Variants in DAAM1 observed in about 807,000 individuals in gnomAD.
DAAM1 encodes dishevelled associated activator of morphogenesis 1, also known as disheveled-associated activator of morphogenesis 1.
A neutral mutation model predicts 130.0 loss-of-function variants in DAAM1; 52 were observed. That is an observed-to-expected ratio of 0.40 (90% CI 0.32 to 0.50). DAAM1 has a LOEUF of 0.50. DAAM1 is among the 20% of genes least tolerant of loss of function. The pLI is 0.61. For synonymous variants in DAAM1, 452 were observed against 444.5 expected (o/e 1.02, Z -0.21); for missense variants, 1,134 against 1,303.8 (o/e 0.87, Z 2.01).
At chr14:59,296,281 G>T (rs569786933) in intron 3 of DAAM1, among the ~76,000 whole-genome samples, 18 of 152,306 alleles carry the variant, frequency 1.2e-4, no homozygotes, top group African/African-American at 4.3e-4. Flanking sequence ...ATGAGGATTT[G>T]TGTATAAGCC....
chr14:59,230,896 T>C (rs10139074), intron 1 of DAAM1, among the ~76,000 whole-genome samples: 120 of 152,298 alleles, frequency 7.9e-4, no homozygotes, highest in African/African-American at 2.8e-3. Context: ...AAAAAGTTTG[T>C]AAGCATTATT....
intron 1 of DAAM1, among the ~76,000 whole-genome samples, chr14:59,199,307 C>T (rs1053839621): frequency 2.0e-5 from 3 of 152,110 alleles, no homozygotes; most frequent in Non-Finnish European, 4.4e-5. Context: ...TTAAATTTGA[C>T]ATGAGGTCTT....
intron 2 of DAAM1, among the ~76,000 whole-genome samples, chr14:59,268,836 A>AAT (rs1342273114): frequency 6.6e-6 from 1 of 152,200 alleles, no homozygotes; most frequent in Non-Finnish European, 1.5e-5. Context: ...AAATATAACC[A>AAT]ATATGAATAA....
chr14:59,290,582 C>A (rs1469957914), intron 2 of DAAM1, among the ~76,000 whole-genome samples: 1 of 152,144 alleles, frequency 6.6e-6, no homozygotes, highest in Admixed American at 6.5e-5. Context: ...ACTGCCTTGC[C>A]CAAAACTTCA....
At chr14:59,222,953 C>T (rs952178515) in intron 1 of DAAM1, among the ~76,000 whole-genome samples, 1 of 152,202 alleles carries the variant, frequency 6.6e-6, no homozygotes, top group Non-Finnish European at 1.5e-5. Flanking sequence ...GGAGGATTTC[C>T]CTTCACCACT....
chr14:59,362,118 T>C (rs1335279541), intron 22 of DAAM1: 1 of 151,620 alleles, frequency 6.6e-6, no homozygotes, highest in African/African-American at 2.4e-5. Context: ...CCATGGTCAT[T>C]ATGATGGCCC....
chr14:59,306,629 C>T (rs1308303615), intron 3 of DAAM1, among the ~76,000 whole-genome samples: 1 of 151,818 alleles, frequency 6.6e-6, no homozygotes, highest in Admixed American at 6.6e-5. Flanking sequence ...TGTTAGGGAG[C>T]AGCAGTTGAG....
intron 1 of DAAM1, among the ~76,000 whole-genome samples, chr14:59,261,392 G>C (rs1022010236): frequency 1.3e-5 from 2 of 152,122 alleles, no homozygotes; most frequent in African/African-American, 4.8e-5. Flanking sequence ...GTCATTCCTG[G>C]TACATAGTGG....
intron 1 of DAAM1, among the ~76,000 whole-genome samples, chr14:59,190,200 TTC>T (rs1887691328): frequency 6.6e-6 from 1 of 152,024 alleles, no homozygotes; most frequent in Admixed American, 6.6e-5. Context: ...ACTCTCCCCT[TTC>T]TCTCCTAAAT....
chr14:59,297,190 C>A (rs1050669529), intron 3 of DAAM1, among the ~76,000 whole-genome samples: 3 of 152,180 alleles, frequency 2.0e-5, no homozygotes, highest in Non-Finnish European at 4.4e-5. Flanking sequence ...TGGCATGGCA[C>A]AGCCAGGAAC....
intron 1 of DAAM1, among the ~76,000 whole-genome samples, chr14:59,239,069 A>G (rs957663044): frequency 2.0e-5 from 3 of 152,234 alleles, no homozygotes; most frequent in African/African-American, 7.2e-5. Context: ...TAAAGTAGAA[A>G]TAAAAGCAAT....
intron 1 of DAAM1, among the ~76,000 whole-genome samples, chr14:59,216,323 AGT>A (rs1039512219): frequency 1.3e-5 from 2 of 152,080 alleles, no homozygotes; most frequent in African/African-American, 4.8e-5. Context: ...AATGACTTTG[AGT>A]GTGTGTGTGT....
intron 3 of DAAM1, among the ~76,000 whole-genome samples, chr14:59,302,589 C>T (rs976399758): frequency 1.3e-5 from 2 of 152,188 alleles, no homozygotes; most frequent in African/African-American, 4.8e-5. Context: ...AATGGCAGTC[C>T]TGGAGGACAG....
At chr14:59,197,181 A>C (rs1887926701) in intron 1 of DAAM1, among the ~76,000 whole-genome samples, 1 of 152,148 alleles carries the variant, frequency 6.6e-6, no homozygotes, top group Admixed American at 6.5e-5. Context: ...CAGCCTCCCA[A>C]AGTGCTGGGA....
intron 14 of DAAM1, 33 bp downstream of exon 14, chr14:59,331,541 G>A (rs1434914069): frequency 6.5e-7 from 1 of 1,549,494 alleles, no homozygotes; most frequent in African/African-American, 1.4e-5. Context: ...CCCTTTAATG[G>A]ATAGCATTAG....
intron 4 of DAAM1, among the ~76,000 whole-genome samples, chr14:59,315,723 T>C (rs374428669): frequency 4.3e-4 from 66 of 152,286 alleles, no homozygotes; most frequent in South Asian, 2.1e-3. Context: ...ATAATATGAT[T>C]AAGCGATTTC....
chr14:59,253,376 A>G (rs1328745753), intron 1 of DAAM1, among the ~76,000 whole-genome samples: 2 of 152,232 alleles, frequency 1.3e-5, no homozygotes, highest in African/African-American at 4.8e-5. Context: ...AATTGTTACC[A>G]GAGAGTGAGG....
Position 59,326,068 on chromosome 14 carries a change from C to T in DAAM1, c.1165C>T (p.Gln389Ter), listed in dbSNP as rs1332994082. Residue 389 changes from glutamine to a stop codon, truncating the protein, a stop_gained, in exon 10 of 25, where the codon CAA becomes TAA. Coordinates refer to ENST00000360909, the MANE Select transcript of DAAM1 (RefSeq NM_001270520.2). LOFTEE classifies it high-confidence loss of function. ...HFMSILHHCL[Q>*]MPYKRSGNTV... ...CATGTCCATCCTGCACCACTGCCTC[C>T]AAATGCCTTGTAAGTGTGTTCGTGA... 6.2e-7 allele frequency: 1 copy of T among 1,613,962 alleles called. No individual in the cohort carries two copies. The highest frequency in any genetic ancestry group is 2.2e-5 in the East Asian group (1 of 44,860).
intron 1 of DAAM1, among the ~76,000 whole-genome samples, chr14:59,202,575 T>TA (rs1888139430): frequency 6.6e-6 from 1 of 152,222 alleles, no homozygotes; most frequent in African/African-American, 2.4e-5. Context: ...TGTATGTTCT[T>TA]AGAGAAACCC....
Sources: gnomAD v4.1 joint callset for allele counts (sites outside exome capture counted in the v4.1 genomes callset) on GRCh38, gnomAD v4.1.1 for gene constraint, MANE v1.5 for transcripts, NCBI Gene and HGNC (gene_info 2026-07-23, HGNC 2026-07-21) for gene names.